Variants in AGBL4 observed in about 807,000 individuals in gnomAD.
AGBL4 encodes the protein AGBL carboxypeptidase 4, also known as cytosolic carboxypeptidase 6.
AGBL4 carries 58 observed loss-of-function variants against 66.4 expected under a neutral mutation model. The ratio of observed to expected loss-of-function variants is 0.87; its 90% CI spans 0.71 to 1.09. AGBL4 has a LOEUF of 1.09. AGBL4 is among the 50% of genes least tolerant of loss of function. The pLI, the probability that AGBL4 is intolerant of heterozygous loss-of-function variation, is 0.00. For missense variants in AGBL4, 579 were observed against 631.0 expected (o/e 0.92, Z 0.88); for synonymous variants, 234 against 222.9 (o/e 1.05, Z -0.44).
intron 4 of AGBL4, among the ~76,000 whole-genome samples, chr1:49,055,912 A>G (rs574323523): frequency 4.3e-4 from 65 of 152,262 alleles, no homozygotes; most frequent in Non-Finnish European, 4.6e-4. Flanking sequence ...TAGTTCTCCT[A>G]TTCACTTTCA....
chr1:48,721,142 C>G (rs1383640871), intron 6 of AGBL4, among the ~76,000 whole-genome samples: 1 of 151,946 alleles, frequency 6.6e-6, no homozygotes, highest in Non-Finnish European at 1.5e-5. Flanking sequence ...CCATTTATAA[C>G]TGGGCTGACA....
intron 3 of AGBL4, among the ~76,000 whole-genome samples, chr1:49,436,262 A>T (rs555545149): frequency 6.6e-6 from 1 of 152,314 alleles, no homozygotes; most frequent in African/African-American, 2.4e-5. Flanking sequence ...TATAACAGTG[A>T]GTGTTTCCTC....
intron 6 of AGBL4, among the ~76,000 whole-genome samples, chr1:48,683,112 A>G (rs575769675): frequency 6.6e-6 from 1 of 152,286 alleles, no homozygotes; most frequent in Middle Eastern, 3.4e-3. Context: ...CACCTCACTC[A>G]ACTTCAGTTT....
intron 3 of AGBL4, among the ~76,000 whole-genome samples, chr1:49,612,439 T>C (rs1253917284): frequency 1.3e-5 from 2 of 151,818 alleles, no homozygotes; most frequent in Non-Finnish European, 2.9e-5. Context: ...GAATGAAAAA[T>C]GAAAAAAATG....
At chr1:48,981,663 T>C (rs905832580) in intron 5 of AGBL4, among the ~76,000 whole-genome samples, 3 of 152,100 alleles carry the variant, frequency 2.0e-5, no homozygotes, top group African/African-American at 7.2e-5. Flanking sequence ...GGCAGGTGGA[T>C]CACCTGAGGT....
chr1:49,162,429 T>G (rs961683945), intron 4 of AGBL4, among the ~76,000 whole-genome samples: 2 of 152,198 alleles, frequency 1.3e-5, no homozygotes, highest in Admixed American at 6.5e-5. Flanking sequence ...TCAGTAAATG[T>G]CTGATAAATG....
chr1:49,128,724 C>T (rs940943322), intron 4 of AGBL4, among the ~76,000 whole-genome samples: 4 of 151,828 alleles, frequency 2.6e-5, no homozygotes, highest in Non-Finnish European at 5.9e-5. Context: ...TTAAAATGAA[C>T]TATAAATATA....
At chr1:49,267,455 C>G (rs1482893734) in intron 3 of AGBL4, among the ~76,000 whole-genome samples, 1 of 152,092 alleles carries the variant, frequency 6.6e-6, no homozygotes, top group Admixed American at 6.5e-5. Context: ...CCAAAGCGGG[C>G]AGATCACGAG....
intron 1 of AGBL4, among the ~76,000 whole-genome samples, chr1:49,914,117 G>T (rs1279491698): frequency 6.6e-6 from 1 of 152,128 alleles, no homozygotes; most frequent in East Asian, 1.9e-4. Flanking sequence ...CTCTCCTAAA[G>T]ACTCCTTATC....
chr1:49,026,931 G>T (rs1267223241), intron 5 of AGBL4, among the ~76,000 whole-genome samples: 1 of 151,908 alleles, frequency 6.6e-6, no homozygotes, highest in Non-Finnish European at 1.5e-5. Flanking sequence ...TCACTTACTG[G>T]TTTTGGGGGA....
chr1:49,099,466 A>G (rs1333283491), intron 4 of AGBL4, among the ~76,000 whole-genome samples: 1 of 152,166 alleles, frequency 6.6e-6, no homozygotes, highest in Non-Finnish European at 1.5e-5. Flanking sequence ...TCAATGTATC[A>G]GCACCTCAAT....
At chr1:49,706,011 G>GT (rs1439906117) in intron 2 of AGBL4, among the ~76,000 whole-genome samples, 2 of 151,282 alleles carry the variant, frequency 1.3e-5, no homozygotes, top group East Asian at 1.9e-4. Context: ...TTTTCTTTTT[G>GT]TTTTTTTGTC....
intron 2 of AGBL4, among the ~76,000 whole-genome samples, chr1:49,744,825 T>C (rs1650860038): frequency 6.6e-6 from 1 of 152,096 alleles, no homozygotes; most frequent in South Asian, 2.1e-4. Flanking sequence ...CAAATTTTTG[T>C]ATACTGTTAA....
intron 5 of AGBL4, among the ~76,000 whole-genome samples, chr1:48,980,135 C>T (rs1659627803): frequency 6.6e-6 from 1 of 152,148 alleles, no homozygotes; most frequent in Admixed American, 6.6e-5. Flanking sequence ...ATAAGTGCGG[C>T]ATTGGGCAGC....
At chr1:49,511,702 C>G (rs1649280796) in intron 3 of AGBL4, among the ~76,000 whole-genome samples, 1 of 151,680 alleles carries the variant, frequency 6.6e-6, no homozygotes, top group Non-Finnish European at 1.5e-5. Flanking sequence ...GAGAAGAAGA[C>G]TATGAAATGC....
chr1:49,161,513 C>T (rs1014110219), intron 4 of AGBL4, among the ~76,000 whole-genome samples: 1 of 152,220 alleles, frequency 6.6e-6, no homozygotes, highest in African/African-American at 2.4e-5. Flanking sequence ...TGCCAGCAAT[C>T]TCCCAATGGC....
At chr1:49,546,630 A>G (rs1652513978) in intron 3 of AGBL4, among the ~76,000 whole-genome samples, 1 of 152,162 alleles carries the variant, frequency 6.6e-6, no homozygotes, top group Middle Eastern at 3.2e-3. Context: ...CCAGCAGTGC[A>G]GAAGTATTCC....
At chr1:49,709,638 A>G (rs1647484107) in intron 2 of AGBL4, among the ~76,000 whole-genome samples, 1 of 152,224 alleles carries the variant, frequency 6.6e-6, no homozygotes, top group Non-Finnish European at 1.5e-5. Flanking sequence ...CTGTACGGCA[A>G]AAGAAACTAC....
intron 3 of AGBL4, among the ~76,000 whole-genome samples, chr1:49,325,794 A>G (rs1477740456): frequency 6.6e-6 from 1 of 152,188 alleles, no homozygotes; most frequent in Non-Finnish European, 1.5e-5. Context: ...ATGGTTTAGC[A>G]CCATCGTCTT....
Sources: gnomAD v4.1 joint callset for allele counts (sites outside exome capture counted in the v4.1 genomes callset) on GRCh38, gnomAD v4.1.1 for gene constraint, MANE v1.5 for transcripts, NCBI Gene and HGNC (gene_info 2026-07-23, HGNC 2026-07-21) for gene names.